The following GRIK1 variants were observed in gnomAD, a reference collection of about 807,000 sequenced individuals.
The protein encoded by GRIK1 is glutamate receptor ionotropic, kainate 1.
A neutral mutation model predicts 105.7 loss-of-function variants in GRIK1; 69 were observed. The observed-to-expected ratio is 0.65, with a 90% CI of 0.54 to 0.80. GRIK1 has a LOEUF of 0.80. GRIK1 is among the 30% of genes least tolerant of loss of function. The pLI is 0.00. For missense variants in GRIK1, 1,109 were observed against 1,167.3 expected, an observed-to-expected ratio of 0.95 and a Z score of 0.73; for synonymous variants, 438 against 431.3, an observed-to-expected ratio of 1.02 and a Z score of -0.19.
At chr21:29,915,265 T>C (rs1325721167) in intron 1 of GRIK1, among the ~76,000 whole-genome samples, 1 of 151,988 alleles carries the variant, frequency 6.6e-6, no homozygotes, top group Non-Finnish European at 1.5e-5. Context: ...TGTCCAGTGC[T>C]CAGAGCTGAC....
At chr21:29,916,928 T>TATAG (rs1402246486) in intron 1 of GRIK1, among the ~76,000 whole-genome samples, 1 of 151,994 alleles carries the variant, frequency 6.6e-6, no homozygotes, top group East Asian at 1.9e-4. Flanking sequence ...TATGTAACAT[T>TATAG]ATAGATACAT....
intron 7 of GRIK1, among the ~76,000 whole-genome samples, chr21:29,609,396 T>C (rs1310082847): frequency 6.6e-6 from 1 of 152,162 alleles, no homozygotes; most frequent in Non-Finnish European, 1.5e-5. Flanking sequence ...GTTGAATAAA[T>C]TGGCTGTGTA....
chr21:29,875,835 C>G (rs1369066165), intron 1 of GRIK1, among the ~76,000 whole-genome samples: 3 of 152,146 alleles, frequency 2.0e-5, no homozygotes, highest in Admixed American at 2.0e-4. Flanking sequence ...AAAACCTCCT[C>G]ATGTTGGAGG....
chr21:29,832,514 C>A (rs2067671135), intron 1 of GRIK1, among the ~76,000 whole-genome samples: 1 of 152,194 alleles, frequency 6.6e-6, no homozygotes, highest in African/African-American at 2.4e-5. Context: ...TCAACTCTTG[C>A]CCTCTGCACA....
In GRIK1 at chr21:29,698,521, C is replaced by A. The variant is rs376544362; in HGVS notation, c.119-4458G>T. Among the ~76,000 whole-genome samples the A allele has an allele frequency of 7.9e-5, 12 of 152,282 alleles. No homozygotes were observed. In the East Asian group the frequency reaches 2.3e-3, roughly 29 times the overall value. Reference sequence around the variant, plus strand: ...GATGGAACACAGGAGGGTGAGAAACCTCAAAATCGGCAGGCCTGGGTTGTC... The same window carrying A: ...GATGGAACACAGGAGGGTGAGAAACATCAAAATCGGCAGGCCTGGGTTGTC... On this transcript the variant is annotated intron_variant, in intron 1 of 17. Coordinates refer to ENST00000327783, the MANE Select transcript of GRIK1 (RefSeq NM_001330994.2).
At chr21:29,727,118 G>A (rs1255360414) in intron 1 of GRIK1, among the ~76,000 whole-genome samples, 10 of 151,924 alleles carry the variant, frequency 6.6e-5, no homozygotes, top group East Asian at 3.9e-4. Context: ...TAGAGATGGG[G>A]TCTCATCATG....
chr21:29,739,130 A>G (rs1043599031), intron 1 of GRIK1, among the ~76,000 whole-genome samples: 4 of 152,238 alleles, frequency 2.6e-5, no homozygotes, highest in African/African-American at 4.8e-5. Flanking sequence ...AAAATATAAT[A>G]TAATGACAGG....
At chr21:29,758,235 T>A (rs73186451) in intron 1 of GRIK1, among the ~76,000 whole-genome samples, 3,818 of 152,314 alleles carry the variant, frequency 0.025, 67 homozygotes, top group Non-Finnish European at 0.042. Flanking sequence ...ACAGGGTGTG[T>A]TAGTCTGTTC....
intron 1 of GRIK1, among the ~76,000 whole-genome samples, chr21:29,728,942 A>C (rs1233829808): frequency 6.6e-6 from 1 of 152,200 alleles, no homozygotes; most frequent in East Asian, 1.9e-4. Context: ...GATTAGCATG[A>C]TGTGAAAGAA....
chr21:29,793,164 A>G (rs1369973023), intron 1 of GRIK1, among the ~76,000 whole-genome samples: 2 of 152,132 alleles, frequency 1.3e-5, no homozygotes, highest in Non-Finnish European at 2.9e-5. Context: ...CACACACTAC[A>G]TTGTTGACTG....
chr21:29,664,317 C>T (rs2097937772), intron 4 of GRIK1, among the ~76,000 whole-genome samples: 1 of 152,088 alleles, frequency 6.6e-6, no homozygotes, highest in African/African-American at 2.4e-5. Context: ...TGTATCACAC[C>T]TGTAGTTTTG....
intron 1 of GRIK1, among the ~76,000 whole-genome samples, chr21:29,707,454 C>CCTTCCTTCCTTCCTTCCTTCCTT (rs1601500614): frequency 1.1e-5 from 1 of 88,522 alleles, no homozygotes; most frequent in African/African-American, 5.7e-5. Flanking sequence ...CTCCCTCCCT[C>CCTTCCTTCCTTCCTTCCTTCCTT]CCTCCCTCCC....
chr21:29,725,491 C>T (rs1258979030), intron 1 of GRIK1, among the ~76,000 whole-genome samples: 8 of 152,144 alleles, frequency 5.3e-5, no homozygotes, highest in Admixed American at 1.3e-4. Context: ...ATCCACATAT[C>T]GTGCTAGAGC....
intron 1 of GRIK1, among the ~76,000 whole-genome samples, chr21:29,859,440 A>G (rs112054781): frequency 7.2e-4 from 109 of 152,280 alleles, no homozygotes; most frequent in African/African-American, 2.5e-3. Context: ...AAGAATCATT[A>G]TTGATAGGAA....
rs1568815045 is a variant in GRIK1, at chr21:29,560,501, TTCC to T, written c.2356+1120_2356+1122del. 6.6e-3 allele frequency among the ~76,000 whole-genome samples: 84 copies of T among 12,722 alleles called. 6 individuals carry two copies. The highest frequency in any genetic ancestry group is 0.018 in the East Asian group (7 of 382). The allele number at this position is 12,722 out of a possible 152,430, so 8.3% of individuals were successfully genotyped here. A position where few individuals can be genotyped will look rare whatever the true frequency, so the allele number is the denominator to read the frequency against. On this transcript the variant is annotated intron_variant, in intron 15 of 17. Coordinates refer to ENST00000327783, the MANE Select transcript of GRIK1 (RefSeq NM_001330994.2). ...TCTCTCCCTTTCTTTCTTTCTTTCC[TTCC>T]TTCCTTCCTTCCTTCCTTTCTTTCT...
At chr21:29,693,188 G>A (rs185746302) in intron 2 of GRIK1, among the ~76,000 whole-genome samples, 4 of 152,184 alleles carry the variant, frequency 2.6e-5, no homozygotes, top group African/African-American at 9.7e-5. Flanking sequence ...TAGTGTCCCT[G>A]TTAGAAGCCA....
At chr21:29,699,457 C>G (rs945925617) in intron 1 of GRIK1, among the ~76,000 whole-genome samples, 9 of 152,140 alleles carry the variant, frequency 5.9e-5, no homozygotes, top group Admixed American at 5.9e-4. Flanking sequence ...AGGAGGCCAT[C>G]TGCAAGCCAT....
At chr21:29,571,419 T>C (rs1051093830) in intron 14 of GRIK1, among the ~76,000 whole-genome samples, 1 of 152,022 alleles carries the variant, frequency 6.6e-6, no homozygotes, top group African/African-American at 2.4e-5. Flanking sequence ...AGGTGGTAGA[T>C]AGTGGAATCT....
At chr21:29,858,850 CACA>C (rs1471050310) in intron 1 of GRIK1, among the ~76,000 whole-genome samples, 1 of 151,758 alleles carries the variant, frequency 6.6e-6, no homozygotes, top group Non-Finnish European at 1.5e-5. Flanking sequence ...GGGCCAAACA[CACA>C]ACTTCTTTGC....
Sources: allele counts gnomAD v4.1 joint callset (sites outside exome capture counted in the v4.1 genomes callset), GRCh38; gene constraint gnomAD v4.1.1; transcripts MANE v1.5; gene names NCBI Gene and HGNC (gene_info 2026-07-23, HGNC 2026-07-21).